The following PIP5K1A variants were observed in gnomAD, a reference collection of about 807,000 sequenced individuals.
PIP5K1A encodes phosphatidylinositol 4-phosphate 5-kinase type-1 alpha.
A neutral mutation model predicts 72.9 loss-of-function variants in PIP5K1A; 46 were observed. The ratio of observed to expected loss-of-function variants is 0.63; its 90% confidence interval spans 0.50 to 0.81. The LOEUF (loss-of-function observed/expected upper bound fraction) is 0.81. Among genes scored for constraint, PIP5K1A ranks in the 30% least tolerant of loss-of-function variants. PIP5K1A has a pLI of 0.00. For synonymous variants in PIP5K1A, 228 were observed against 255.1 expected (o/e 0.89, Z 1.01); for missense variants, 458 against 706.1 (o/e 0.65, Z 3.98).
chr1:151,234,458 T>C lies in PIP5K1A; in HGVS notation c.901T>C (p.Tyr301His). Reference protein sequence around the residue: ...PDGLFLDADMYNALCKTLQRD... With the variant: ...PDGLFLDADMHNALCKTLQRD... ...TGGTCTTTTTTTGGATGCTGACATG[T>C]ACAACGCTCTCTGTAAGACCCTGCA... Residue 301 changes from tyrosine (Y) to histidine (H), a missense_variant, in exon 8 of 16, where the codon TAC becomes CAC. By Grantham distance (83) the Tyr-to-His change is moderately conservative. Coordinates refer to ENST00000368888, the MANE Select transcript of PIP5K1A (RefSeq NM_001135638.2). 6.2e-7 allele frequency: 1 copy of C among 1,614,130 alleles called. No individual in the cohort carries two copies. The highest frequency in any genetic ancestry group is 8.5e-7 in the Non-Finnish European group (1 of 1,179,964).
At chr1:151,216,321 C>T (rs999425664) in intron 1 of PIP5K1A, among the ~76,000 whole-genome samples, 12 of 150,746 alleles carry the variant, frequency 8.0e-5, no homozygotes, top group African/African-American at 2.7e-4. Context: ...TGCACTCCAG[C>T]CTGGGCAACA....
At chr1:151,232,183 C>T (rs587768072) in intron 5 of PIP5K1A, 65 bp from the exon 6 acceptor site, 15 of 1,084,150 alleles carry the variant, frequency 1.4e-5, no homozygotes, top group East Asian at 9.4e-5. Context: ...TGAGTGTCTT[C>T]GCAAGGTAGA....
chr1:151,216,900 GTTTTTTTTTTTTTTTTTT>G (rs78155966), intron 1 of PIP5K1A, among the ~76,000 whole-genome samples: 1 of 136,674 alleles, frequency 7.3e-6, no homozygotes, highest in Non-Finnish European at 1.6e-5. Context: ...CTTAGTAAAT[GTTTTTTTTTTTTTTTTTT>G]TTTTTTTTTT....
At chr1:151,216,938 A>AAT in intron 1 of PIP5K1A, among the ~76,000 whole-genome samples, 1 of 143,676 alleles carries the variant, frequency 7.0e-6, no homozygotes, top group Non-Finnish European at 1.5e-5. Flanking sequence ...TTTGAGACGG[A>AAT]GTCTCGCTCT....
At position 151,247,025 on chromosome 1, in the gene PIP5K1A, T is replaced by C. The variant is rs587609588; in HGVS notation, c.1686+60T>C. ...TGCAAGGTATAAAGAGGATCACTGA[T>C]GGCCTGGAGCAGGAAGTTAATTGTC... On this transcript the variant is annotated intron_variant, in intron 15 of 15. Transcript: ENST00000368888. 5.6e-5 allele frequency: 66 copies of C among 1,169,752 alleles called. No homozygotes were observed. In the East Asian group the frequency reaches 1.6e-3, roughly 29 times the overall value. The allele number at this position is 1,169,752 out of a possible 1,614,324, so 72.5% of individuals were successfully genotyped here.
intron 1 of PIP5K1A, among the ~76,000 whole-genome samples, chr1:151,214,416 T>C (rs1291442579): frequency 2.0e-5 from 3 of 152,318 alleles, no homozygotes; most frequent in Non-Finnish European, 2.9e-5. Context: ...AGTTTCGCTC[T>C]GTTGCCCAGG....
intron 14 of PIP5K1A, among the ~76,000 whole-genome samples, chr1:151,244,765 G>T (rs974306235): frequency 1.3e-5 from 2 of 152,118 alleles, no homozygotes; most frequent in African/African-American, 4.8e-5. Flanking sequence ...TGATATTCAA[G>T]GAGGGGTCCT....
upstream of PIP5K1A, chr1:151,197,803 G>A (rs765196820): frequency 5.5e-5 from 16 of 292,714 alleles, no homozygotes; most frequent in Middle Eastern, 2.3e-3. Flanking sequence ...CAGAGAGACT[G>A]GTCTTCCCAC....
chr1:151,224,911 G>A (rs765759566), intron 3 of PIP5K1A, among the ~76,000 whole-genome samples: 4 of 152,114 alleles, frequency 2.6e-5, no homozygotes, highest in Non-Finnish European at 4.4e-5. Context: ...TCAGAATGCA[G>A]GCCCTTTTGA....
chr1:151,215,972 T>G, intron 1 of PIP5K1A: 2 of 1,303,638 alleles, frequency 1.5e-6, no homozygotes, highest in South Asian at 1.2e-5. Flanking sequence ...GTTTCAACTT[T>G]CTGTGCTGTG....
chr1:151,224,116 G>A, intron 1 of PIP5K1A, 129 bp from the exon 2 acceptor site: 1 of 822,418 alleles, frequency 1.2e-6, no homozygotes, highest in African/African-American at 1.7e-5. Context: ...AAAGGATCTG[G>A]TATTACTGAG....
rs1558280509 is a variant in PIP5K1A, at chr1:151,231,658, T to G, written c.238-13T>G. The G allele has an allele frequency of 6.2e-7, 1 of 1,613,340 alleles. No individual in the cohort carries two copies. The highest frequency in any genetic ancestry group is 8.5e-7 in the Non-Finnish European group (1 of 1,179,262). ...ATACTAGGAATTTTCTTCTCATTTCTCTTGTTTCTCAGACAACCTCATCAG... is the reference window on the plus strand; with the variant it reads ...ATACTAGGAATTTTCTTCTCATTTCGCTTGTTTCTCAGACAACCTCATCAG... On this transcript the variant is annotated splice_polypyrimidine_tract_variant and intron_variant, in intron 4 of 15. Coordinates refer to ENST00000368888, the MANE Select transcript of PIP5K1A (RefSeq NM_001135638.2).
intron 1 of PIP5K1A, among the ~76,000 whole-genome samples, chr1:151,200,765 T>C (rs2101828250): frequency 6.6e-6 from 1 of 152,290 alleles, no homozygotes; most frequent in East Asian, 1.9e-4. Flanking sequence ...CCAGAACAAC[T>C]CATGCTGCAT....
intron 1 of PIP5K1A, among the ~76,000 whole-genome samples, chr1:151,214,078 AAT>A (rs946012326): frequency 3.9e-5 from 6 of 152,132 alleles, no homozygotes; most frequent in African/African-American, 1.4e-4. Context: ...TTTTCCACTC[AAT>A]ATATTGACAT....
intron 11 of PIP5K1A, 68 bp from the exon 12 acceptor site, chr1:151,239,887 G>T: frequency 1.8e-6 from 2 of 1,100,924 alleles, no homozygotes; most frequent in South Asian, 2.5e-5. Context: ...TCTGGGGGAA[G>T]ATGGCCCTTG....
At chr1:151,226,169 C>A (rs1689098475) in intron 3 of PIP5K1A, among the ~76,000 whole-genome samples, 1 of 151,200 alleles carries the variant, frequency 6.6e-6, no homozygotes, top group South Asian at 2.1e-4. Flanking sequence ...CTCACTGCAA[C>A]CTCCACCTCC....
Position 151,232,598 on chromosome 1 carries a change from T to C in PIP5K1A, c.534T>C (p.Ala178=). 1 of 1,610,308 alleles carries C rather than the reference T, an allele frequency of 6.2e-7. No individual in the cohort carries two copies. The highest frequency in any genetic ancestry group is 8.5e-7 in the Non-Finnish European group (1 of 1,179,044). Reference sequence around the variant, plus strand: ...TGATTGAACTCTGTAGCTCTGGAGCTAGTGGTTCCCTATTCTATGTGTCCA... The same window carrying C: ...TGATTGAACTCTGTAGCTCTGGAGCCAGTGGTTCCCTATTCTATGTGTCCA... The part of the protein sequence containing the change: ...EPLIELCSSG[A]SGSLFYVSSD... The change falls in exon 7 of 16, where the codon GCT becomes GCC. Residue 178 remains alanine (A), a synonymous_variant. Coordinates refer to ENST00000368888, the MANE Select transcript of PIP5K1A (RefSeq NM_001135638.2).
intron 3 of PIP5K1A, among the ~76,000 whole-genome samples, chr1:151,226,896 G>A (rs1271932338): frequency 6.6e-6 from 1 of 151,272 alleles, no homozygotes; most frequent in Non-Finnish European, 1.5e-5. Flanking sequence ...GTGTGGTGGT[G>A]TGCACCTATA....
At chr1:151,219,485 G>A (rs587677537) in intron 1 of PIP5K1A, among the ~76,000 whole-genome samples, 3 of 150,460 alleles carry the variant, frequency 2.0e-5, no homozygotes, top group South Asian at 2.1e-4. Flanking sequence ...TCAGGAGTTC[G>A]AGACCAGCCT....
Sources: gnomAD v4.1 joint callset for allele counts (sites outside exome capture counted in the v4.1 genomes callset) on GRCh38, gnomAD v4.1.1 for gene constraint, MANE v1.5 for transcripts, NCBI Gene and HGNC (gene_info 2026-07-23, HGNC 2026-07-21) for gene names.